The following ZNF717 variants were observed in gnomAD, a reference collection of about 807,000 sequenced individuals.
ZNF717 encodes zinc finger protein 717.
A neutral mutation model predicts 13.8 loss-of-function variants in ZNF717; 9 were observed. That is an observed-to-expected ratio of 0.65 (90% CI 0.39 to 1.14). The LOEUF (loss-of-function observed/expected upper bound fraction) is 1.14. Ranked by LOEUF, ZNF717 falls within the 50% of genes most tolerant of loss-of-function variation. The pLI is 0.01. For synonymous variants in ZNF717, 327 were observed against 364.1 expected (o/e 0.90, Z 1.16); for missense variants, 1,040 against 1,080.7 (o/e 0.96, Z 0.53).
intron 2 of ZNF717, among the ~76,000 whole-genome samples, chr3:75,774,399 A>T (rs1195473460): frequency 2.0e-5 from 3 of 152,042 alleles, no homozygotes; most frequent in Non-Finnish European, 4.4e-5. Flanking sequence ...TCAAATTTCA[A>T]CTTCAAAACT....
Position 75,737,909 on chromosome 3 carries a change from A to G in ZNF717, c.1714T>C (p.Phe572Leu). 6.5e-7 allele frequency: 1 copy of G among 1,549,026 alleles called. No homozygotes were observed. Among genetic ancestry groups the G allele is most frequent in the Non-Finnish European group, 8.7e-7 (1 of 1,145,102 alleles). Reference sequence around the variant, plus strand: ...ATAGTTAGGAATGACTTACAGTGAAAGGATTTTCCACATTCATTACATTCA... The same window carrying G: ...ATAGTTAGGAATGACTTACAGTGAAGGGATTTTCCACATTCATTACATTCA... ...PYECNECGKS[F>L]HCKSFLTIHQ... is the part of the protein sequence containing the mutation. Residue 572 changes from phenylalanine (F) to leucine (L), a missense_variant, in exon 5 of 5, where the codon TTT (phenylalanine) becomes CTT (leucine). Physicochemically the swap from Phe to Leu is conservative, Grantham distance 22 (BLOSUM62 0). Around this residue, in one of 3 missense-constraint regions of ZNF717, gnomAD observed 873 missense variants for 832.8 expected, o/e 1.05. Transcript: ENST00000652011.
In ZNF717 at chr3:75,737,664, T is replaced by C. The variant is rs751722073; in HGVS notation, c.1959A>G (p.Gly653=). The C allele has an allele frequency of 6.9e-5, 106 of 1,536,128 alleles. No homozygotes were observed. The East Asian group carries it at 2.6e-3, about 38-fold the overall frequency. The change falls in exon 5 of 5, where the codon GGA becomes GGG. Residue 653 remains glycine (G), a synonymous_variant. Transcript: ENST00000652011. ...GEKPYVCNEC[G]KTFHRKSFLT... ...GGAATGACTTGCGATGAAAGGTTTT[T>C]CCACATTCATTACATACGTAAGGTT...
At chr3:75,771,359 C>G (rs1943855322) in intron 2 of ZNF717, among the ~76,000 whole-genome samples, 1 of 152,230 alleles carries the variant, frequency 6.6e-6, no homozygotes, top group African/African-American at 2.4e-5. Flanking sequence ...GTGCTGGAGT[C>G]TCACTGAATC....
intron 2 of ZNF717, among the ~76,000 whole-genome samples, chr3:75,742,389 T>C (rs1940591558): frequency 6.7e-6 from 1 of 149,852 alleles, no homozygotes; most frequent in Admixed American, 6.6e-5. Flanking sequence ...TATGAATATA[T>C]AAGTATAAAC....
chr3:75,748,423 C>A (rs1575814455), intron 2 of ZNF717, among the ~76,000 whole-genome samples: 1 of 152,104 alleles, frequency 6.6e-6, no homozygotes, highest in South Asian at 2.1e-4. Flanking sequence ...TGATGAACAT[C>A]AATGCGAAAA....
intron 2 of ZNF717, among the ~76,000 whole-genome samples, chr3:75,759,083 T>C (rs529832729): frequency 2.0e-5 from 3 of 151,864 alleles, no homozygotes; most frequent in African/African-American, 4.9e-5. Flanking sequence ...TGTAGACATA[T>C]GCTGTTGCAC....
chr3:75,698,283 G>A (rs146798518), intron 6 of ZNF717, among the ~76,000 whole-genome samples: 63 of 151,892 alleles, frequency 4.1e-4, no homozygotes, highest in African/African-American at 1.5e-3. Flanking sequence ...AGGCTATGGA[G>A]CAACTACTTG....
At chr3:75,764,427 A>C (rs980620208) in intron 2 of ZNF717, among the ~76,000 whole-genome samples, 3 of 152,226 alleles carry the variant, frequency 2.0e-5, no homozygotes, top group Non-Finnish European at 4.4e-5. Flanking sequence ...AAGTAACAGA[A>C]TAACATAATC....
intron 2 of ZNF717, among the ~76,000 whole-genome samples, chr3:75,754,362 A>G (rs933519805): frequency 6.6e-6 from 1 of 152,204 alleles, no homozygotes; most frequent in African/African-American, 2.4e-5. Flanking sequence ...AAAAAAATAA[A>G]AAAAAATACA....
In ZNF717 at chr3:75,738,702, C is replaced by T. The variant is rs1939875803; in HGVS notation, c.921G>A (p.Glu307=). 1 of 1,551,788 alleles carries T rather than the reference C, an allele frequency of 6.4e-7. No individual in the cohort carries two copies. Among genetic ancestry groups the T allele is most frequent in the Non-Finnish European group, 8.7e-7 (1 of 1,147,104 alleles). The change falls in exon 5 of 5, where the codon GAG becomes GAA. Residue 307 remains glutamate, a synonymous_variant. Transcript: ENST00000652011. ...DLMLQCKMPT[E]EKPYACNWCE... The stretch of plus-strand genomic sequence containing the variant: ...ACCAGTTACAGGCATAAGGTTTTTC[C>T]TCAGTAGGCATCTTGCACTGTAGCA...
chr3:75,741,414 A>G, intron 3 of ZNF717, 46 bp from the exon 4 acceptor site: 1 of 1,444,938 alleles, frequency 6.9e-7, no homozygotes, highest in South Asian at 1.2e-5. Flanking sequence ...CACTAAGTCA[A>G]ATCCTTTTCA....
At chr3:75,709,018 T>C (rs1450721267), downstream of ZNF717, among the ~76,000 whole-genome samples, 6 of 151,522 alleles carry the variant, frequency 4.0e-5, no homozygotes, top group Non-Finnish European at 8.8e-5. Context: ...TTTTTTTTTT[T>C]TAGATGGATT....
chr3:75,741,063 T>G (rs1425367672), intron 4 of ZNF717, among the ~76,000 whole-genome samples: 2 of 151,660 alleles, frequency 1.3e-5, no homozygotes, highest in African/African-American at 2.4e-5. Flanking sequence ...GGGATTGGAT[T>G]TGGGGTAAAT....
intron 5 of ZNF717, among the ~76,000 whole-genome samples, chr3:75,715,124 C>G (rs1283566501): frequency 2.6e-5 from 4 of 152,188 alleles, no homozygotes; most frequent in Non-Finnish European, 5.9e-5. Context: ...CTGTGAACCA[C>G]AGTTTGGGTA....
chr3:75,757,705 G>A (rs1252757336), intron 2 of ZNF717, among the ~76,000 whole-genome samples: 1 of 152,164 alleles, frequency 6.6e-6, no homozygotes, highest in Non-Finnish European at 1.5e-5. Context: ...TGTCTAGAAA[G>A]TGATTCCTTT....
intron 2 of ZNF717, among the ~76,000 whole-genome samples, chr3:75,775,831 A>T (rs2107684325): frequency 6.6e-6 from 1 of 150,674 alleles, no homozygotes; most frequent in East Asian, 1.9e-4. Flanking sequence ...CAGCCTAGGT[A>T]ACAGAGTGAG....
intron 2 of ZNF717, among the ~76,000 whole-genome samples, chr3:75,772,048 T>C (rs562283506): frequency 1.4e-4 from 21 of 152,126 alleles, no homozygotes; most frequent in African/African-American, 4.6e-4. Context: ...AGGAGGGAGG[T>C]TGAGGTGGGG....
At position 75,739,225 on chromosome 3, in the gene ZNF717, G is replaced by A; in HGVS notation, c.398C>T (p.Thr133Ile). Residue 133 changes from threonine (T) to isoleucine (I), a missense_variant, in exon 5 of 5, where the codon ACA (threonine) becomes ATA (isoleucine). This residue lies in a region of ZNF717 where 123 missense variants were observed against 177.8 expected (regional missense o/e 0.69). Coordinates refer to ENST00000652011, the MANE Select transcript of ZNF717 (RefSeq NM_001290208.3). Reference sequence around the variant, plus strand: ...AACATGGTTTGAGTTCAAATTAAATGTTTTTCCTAATTCAACTCTCTCCTG... The same window carrying A: ...AACATGGTTTGAGTTCAAATTAAATATTTTTCCTAATTCAACTCTCTCCTG... ...STQERVELGKTFNLNSNHVLN... is the reference protein window; with the variant it reads ...STQERVELGKIFNLNSNHVLN... 1 of 1,486,764 alleles carries A rather than the reference G, an allele frequency of 6.7e-7. No homozygotes were observed. Among genetic ancestry groups the A allele is most frequent in the East Asian group, 2.6e-5 (1 of 38,910 alleles). The allele number at this position is 1,486,764 out of a possible 1,614,324, so 92.1% of individuals were successfully genotyped here.
At chr3:75,694,993 T>C (rs1937589342) in intron 6 of ZNF717, among the ~76,000 whole-genome samples, 1 of 152,130 alleles carries the variant, frequency 6.6e-6, no homozygotes, top group South Asian at 2.1e-4. Flanking sequence ...TTATCAATAA[T>C]AACACTGAAT....
Sources: allele counts gnomAD v4.1 joint callset (sites outside exome capture counted in the v4.1 genomes callset), GRCh38; gene constraint gnomAD v4.1.1; regional missense constraint gnomAD v4.1.1; transcripts MANE v1.5; gene names NCBI Gene and HGNC (gene_info 2026-07-23, HGNC 2026-07-21).